Variants in ATP9B observed in about 807,000 individuals in gnomAD.
The protein encoded by ATP9B is probable phospholipid-transporting ATPase IIB.
In ATP9B, 110 loss-of-function variants were observed where a neutral mutation model predicts 146.1. That is an observed-to-expected ratio of 0.75 (90% CI 0.65 to 0.88). The LOEUF (loss-of-function observed/expected upper bound fraction) is 0.88. ATP9B is among the 40% of genes least tolerant of loss of function. The pLI is 0.00. For missense variants in ATP9B, 1,499 were observed against 1,496.4 expected (o/e 1.00, Z -0.03); for synonymous variants, 604 against 569.7 (o/e 1.06, Z -0.86).
At chr18:79,081,686 G>A (rs1436439069) in intron 1 of ATP9B, among the ~76,000 whole-genome samples, 6 of 150,484 alleles carry the variant, frequency 4.0e-5, no homozygotes, top group Non-Finnish European at 8.9e-5. Flanking sequence ...AGTTTGGCTG[G>A]ATATACAATT....
At chr18:79,271,395 C>G (rs867334272) in intron 12 of ATP9B, among the ~76,000 whole-genome samples, 45 of 148,940 alleles carry the variant, frequency 3.0e-4, no homozygotes, top group Admixed American at 3.4e-4. Context: ...CCAGGCCCCC[C>G]ACCCCACAAC....
intron 11 of ATP9B, among the ~76,000 whole-genome samples, chr18:79,215,107 C>T (rs1229913714): frequency 7.1e-6 from 1 of 140,458 alleles, no homozygotes; most frequent in East Asian, 2.1e-4. Flanking sequence ...AAGATCGCAC[C>T]ATTGCACTCC....
intron 5 of ATP9B, among the ~76,000 whole-genome samples, chr18:79,127,894 A>AGCCACTG (rs1172978693): frequency 1.3e-5 from 2 of 152,052 alleles, no homozygotes; most frequent in Non-Finnish European, 2.9e-5. Flanking sequence ...GTTTGATTGC[A>AGCCACTG]GCCACTGCTT....
chr18:79,159,126 A>G (rs1349378598), intron 7 of ATP9B, among the ~76,000 whole-genome samples: 4 of 152,100 alleles, frequency 2.6e-5, no homozygotes, highest in African/African-American at 9.7e-5. Flanking sequence ...CTTTCTACCT[A>G]TTTGTGTCTT....
chr18:79,129,046 G>T (rs536901447), intron 5 of ATP9B, among the ~76,000 whole-genome samples: 1 of 152,222 alleles, frequency 6.6e-6, no homozygotes, highest in East Asian at 1.9e-4. Flanking sequence ...ACCAGTCGGG[G>T]GACTGCTTGG....
intron 1 of ATP9B, among the ~76,000 whole-genome samples, chr18:79,072,933 G>T (rs1027871503): frequency 6.6e-6 from 1 of 151,838 alleles, no homozygotes; most frequent in African/African-American, 2.4e-5. Flanking sequence ...GGGCAGAGGC[G>T]CTCGTCACAT....
intron 15 of ATP9B, among the ~76,000 whole-genome samples, chr18:79,313,515 CCTAGA>C (rs1314892116): frequency 2.6e-5 from 4 of 152,162 alleles, no homozygotes; most frequent in Admixed American, 1.3e-4. Context: ...ATATGAGAAA[CCTAGA>C]CTAGAGATTT....
At chr18:79,325,338 G>C (rs1199393409) in intron 15 of ATP9B, among the ~76,000 whole-genome samples, 1 of 152,162 alleles carries the variant, frequency 6.6e-6, no homozygotes, top group Admixed American at 6.5e-5. Flanking sequence ...GACTGCAAAT[G>C]TAGGATAGTA....
At chr18:79,147,104 A>G (rs2094604021) in intron 6 of ATP9B, among the ~76,000 whole-genome samples, 1 of 152,232 alleles carries the variant, frequency 6.6e-6, no homozygotes, top group South Asian at 2.1e-4. Flanking sequence ...ATTAACACAG[A>G]CAAAAAGAGA....
chr18:79,307,533 AT>A (rs2096626480), intron 15 of ATP9B: 1 of 336,394 alleles, frequency 3.0e-6, no homozygotes, highest in African/African-American at 2.1e-5. Context: ...CCGTAAAGTA[AT>A]TTGTGTCAAA....
At chr18:79,104,243 G>T (rs599205) in intron 2 of ATP9B, among the ~76,000 whole-genome samples, 20,051 of 152,156 alleles carry the variant, frequency 0.13, 1,920 homozygotes, top group African/African-American at 0.27. Flanking sequence ...GAGGATCTGT[G>T]TCCAGGCCGT....
chr18:79,244,203 C>T (rs921293514), intron 11 of ATP9B, among the ~76,000 whole-genome samples: 2 of 151,588 alleles, frequency 1.3e-5, no homozygotes, highest in African/African-American at 4.9e-5. Flanking sequence ...TCCAGGCAGG[C>T]TCCATGGAAG....
At position 79,377,414 on chromosome 18, in the gene ATP9B, A is replaced by G. The variant is rs1244577352; in HGVS notation, c.*31A>G. The G allele has an allele frequency of 6.2e-7, 1 of 1,600,954 alleles. No individual in the cohort carries two copies. Among genetic ancestry groups the G allele is most frequent in the South Asian group, 1.1e-5 (1 of 91,008 alleles). ...TGTGCACCCCCAGCGGGCTGGCCCC[A>G]GCACCTTCTGCCCTTCCCAGCACCT... On this transcript the variant is annotated 3_prime_UTR_variant, in exon 30 of 30. Transcript: ENST00000426216.
intron 1 of ATP9B, chr18:79,078,087 G>A (rs1433986141): frequency 6.6e-6 from 1 of 152,384 alleles, no homozygotes; most frequent in Non-Finnish European, 1.5e-5. Flanking sequence ...CTGGGCAATG[G>A]GGAGAGTGTC....
At chr18:79,263,638 G>A (rs2096169003) in intron 12 of ATP9B, among the ~76,000 whole-genome samples, 1 of 152,200 alleles carries the variant, frequency 6.6e-6, no homozygotes, top group Non-Finnish European at 1.5e-5. Context: ...CTTGCAGCTT[G>A]TCATTCTCTT....
rs141897152 is a variant in ATP9B, at chr18:79,090,635, A to G, written c.120-5841A>G. Among the ~76,000 whole-genome samples, 45 of 152,290 alleles carry G rather than the reference A, an allele frequency of 3.0e-4. 2 individuals carry two copies. The East Asian group carries it at 8.7e-3, about 29-fold the overall frequency. On this transcript the variant is annotated intron_variant, in intron 1 of 29. Transcript: ENST00000426216. ...TTATTAGATTATTAGAATTTTCCAT[A>G]TAGAGTTGTTTGAGCTCCTTATAAA...
At chr18:79,372,950 G>A in intron 27 of ATP9B, 68 bp downstream of exon 27, 1 of 1,126,896 alleles carries the variant, frequency 8.9e-7, no homozygotes, top group Non-Finnish European at 1.3e-6. Context: ...TAGCAATATT[G>A]TTTTTACTTG....
At chr18:79,149,140 TTTC>T (rs1219045649) in intron 6 of ATP9B, among the ~76,000 whole-genome samples, 24 of 152,352 alleles carry the variant, frequency 1.6e-4, no homozygotes, top group Middle Eastern at 3.4e-3. Flanking sequence ...GCAGGGTTTT[TTTC>T]TTCTTATTTT....
At chr18:79,140,182 G>A (rs2094496662) in intron 5 of ATP9B, among the ~76,000 whole-genome samples, 3 of 152,268 alleles carry the variant, frequency 2.0e-5, no homozygotes, top group South Asian at 2.1e-4. Flanking sequence ...GTGGAGGGAC[G>A]AGGTTCCCGG....
Sources: gnomAD v4.1 joint callset for allele counts (sites outside exome capture counted in the v4.1 genomes callset) on GRCh38, gnomAD v4.1.1 for gene constraint, MANE v1.5 for transcripts, NCBI Gene and HGNC (gene_info 2026-07-23, HGNC 2026-07-21) for gene names.